The following FBXL13 variants were observed in gnomAD, a reference collection of about 807,000 sequenced individuals.
FBXL13 encodes F-box and leucine rich repeat protein 13.
Under a neutral mutation model 83.6 loss-of-function variants are expected in FBXL13, and 67 were observed. The ratio of observed to expected loss-of-function variants is 0.80; its 90% CI spans 0.66 to 0.98. The LOEUF (loss-of-function observed/expected upper bound fraction) is 0.98. Ranked by LOEUF, FBXL13 falls within the 50% of genes least tolerant of loss-of-function variation. The probability of loss-of-function intolerance (pLI) is 0.00; values close to 1 mark genes in which losing one functional copy is unlikely to be tolerated. For missense variants in FBXL13, 822 were observed against 866.5 expected, an observed-to-expected ratio of 0.95 and a Z score of 0.64; for synonymous variants, 272 against 299.5, an observed-to-expected ratio of 0.91 and a Z score of 0.95.
chr7:102,820,071 C>T (rs1186775473), intron 19 of FBXL13, among the ~76,000 whole-genome samples: 1 of 152,184 alleles, frequency 6.6e-6, no homozygotes, highest in East Asian at 1.9e-4. Flanking sequence ...CTTTACTAGT[C>T]CAAACACTGG....
chr7:103,013,161 C>CT (rs1249181719), intron 6 of FBXL13, among the ~76,000 whole-genome samples: 2 of 152,212 alleles, frequency 1.3e-5, no homozygotes, highest in Admixed American at 1.3e-4. Context: ...TACAAAGAGA[C>CT]TTAGATAACT....
At chr7:102,904,728 C>G (rs1158592142) in intron 11 of FBXL13, among the ~76,000 whole-genome samples, 1 of 151,858 alleles carries the variant, frequency 6.6e-6, no homozygotes, top group Non-Finnish European at 1.5e-5. Context: ...AGTTTTTCCT[C>G]TTTTTTGATG....
intron 17 of FBXL13, among the ~76,000 whole-genome samples, chr7:102,852,297 C>A (rs1805380277): frequency 6.6e-6 from 1 of 152,128 alleles, no homozygotes; most frequent in Non-Finnish European, 1.5e-5. Flanking sequence ...CAATCCATTT[C>A]TGTTTTTTCT....
chr7:102,893,767 CAAAAA>C (rs1300370815), intron 11 of FBXL13, among the ~76,000 whole-genome samples: 1 of 47,964 alleles, frequency 2.1e-5, no homozygotes. Flanking sequence ...GACTCTGTCT[CAAAAA>C]AAAAAAAAAA....
intron 11 of FBXL13, among the ~76,000 whole-genome samples, chr7:102,887,244 C>G (rs1344062145): frequency 1.3e-5 from 2 of 152,174 alleles, no homozygotes; most frequent in Non-Finnish European, 2.9e-5. Context: ...CCCACCACTA[C>G]TGACTTAGAG....
chr7:102,831,365 G>T (rs945865161), intron 18 of FBXL13, among the ~76,000 whole-genome samples: 1 of 150,048 alleles, frequency 6.7e-6, no homozygotes, highest in Non-Finnish European at 1.5e-5. Flanking sequence ...TAGAGGGCAG[G>T]CATGCTGTTA....
rs142968192 is a variant in FBXL13 at position 102,995,638 on chromosome 7, T to C, written c.496-27521A>G. Among the ~76,000 whole-genome samples, 752 of 151,512 alleles carry C rather than the reference T, an allele frequency of 5.0e-3. 12 individuals carry two copies. Among genetic ancestry groups the C allele is most frequent in the African/African-American group, 0.017 (714 of 41,266 alleles). On this transcript the variant is annotated intron_variant, in intron 6 of 19. Coordinates refer to ENST00000313221, the Ensembl canonical transcript of FBXL13. ...ACTGTCTCTACTAAGAATACAAAAATTAGCCAGGCGTGGTGGTGTGCACCT... is the reference window on the plus strand; with the variant it reads ...ACTGTCTCTACTAAGAATACAAAAACTAGCCAGGCGTGGTGGTGTGCACCT...
rs145764810 is a variant in FBXL13 at position 102,887,274 on chromosome 7, G to A, written c.1009-2962C>T. On this transcript the variant is annotated intron_variant, in intron 11 of 19. Coordinates refer to ENST00000313221, the Ensembl canonical transcript of FBXL13. ...TTAGAGGCTGCACTTGAACAAGACA[G>A]GTGATTTACACACAGACATGACAGT... Among the ~76,000 whole-genome samples, 3 of 152,288 alleles carry A rather than the reference G, an allele frequency of 2.0e-5. No individual in the cohort carries two copies. In the East Asian group the frequency reaches 5.8e-4, roughly 29 times the overall value.
chr7:102,936,924 C>CT lies in FBXL13; in HGVS notation c.725-4992dup, dbSNP rs1820432112. 1.3e-5 allele frequency among the ~76,000 whole-genome samples: 2 copies of CT among 151,836 alleles called. 1 individual carries two copies. The highest frequency in any genetic ancestry group is 4.1e-4 in the South Asian group (2 of 4,824). Reference sequence around the variant, plus strand: ...CTATTTCTGCTTTTGTGTTTTTTTCCTTTTTTCCCATATTTTTCTCTTGAA... The same window carrying CT: ...CTATTTCTGCTTTTGTGTTTTTTTCCTTTTTTTCCCATATTTTTCTCTTGAA... On this transcript the variant is annotated intron_variant, in intron 8 of 19. Transcript: ENST00000313221.
chr7:102,925,807 G>A (rs1818003425), intron 10 of FBXL13, among the ~76,000 whole-genome samples: 2 of 152,106 alleles, frequency 1.3e-5, no homozygotes, highest in Admixed American at 1.3e-4. Context: ...CAGGCGTGGT[G>A]GTGGGCACCT....
intron 10 of FBXL13, among the ~76,000 whole-genome samples, chr7:102,921,505 C>A (rs1175872952): frequency 6.6e-6 from 1 of 151,534 alleles, no homozygotes; most frequent in Non-Finnish European, 1.5e-5. Context: ...TGTGGTGAAA[C>A]CCTGTCTCTA....
At position 102,878,342 on chromosome 7, in the gene FBXL13, T is replaced by G. The variant is rs765527283; in HGVS notation, c.1497A>C (p.Lys499Asn). Residue 499 changes from lysine to asparagine, a missense_variant, in exon 15 of 20, where the codon AAA becomes AAC. Transcript: ENST00000313221. ...CTGTTTTATCATACCGCTCAGATAG[T>G]TTCATAACAGAGGCATCACTTAGCC... is the stretch of plus-strand genomic sequence containing the variant. 47 of 1,603,506 alleles carry G rather than the reference T, an allele frequency of 2.9e-5. 1 individual carries two copies. Among genetic ancestry groups the G allele is most frequent in the Non-Finnish European group, 4.0e-5 (47 of 1,175,132 alleles).
chr7:102,959,084 T>C (rs1377894772), intron 8 of FBXL13, among the ~76,000 whole-genome samples: 1 of 151,970 alleles, frequency 6.6e-6, no homozygotes, highest in Non-Finnish European at 1.5e-5. Context: ...AATAAAACTG[T>C]CAACATTCCC....
intron 11 of FBXL13, among the ~76,000 whole-genome samples, chr7:102,903,645 A>AT (rs202004195): frequency 3.3e-5 from 5 of 150,910 alleles, no homozygotes; most frequent in African/African-American, 9.7e-5. Context: ...ATTTTTTTTA[A>AT]TTTTTTTTCT....
At chr7:103,024,859 T>A (rs28715685) in intron 6 of FBXL13, among the ~76,000 whole-genome samples, 2,582 of 94,852 alleles carry the variant, frequency 0.027, 15 homozygotes, top group Non-Finnish European at 0.036. Context: ...ATATATATAT[T>A]TTTTTTTTTT....
chr7:103,072,988 A>G (rs1166864192), intron 1 of FBXL13, among the ~76,000 whole-genome samples: 1 of 152,218 alleles, frequency 6.6e-6, no homozygotes, highest in Non-Finnish European at 1.5e-5. Context: ...ACTTGAGAAA[A>G]TCACACAACC....
exon 2 of FBXL13, chr7:103,055,708 G>C (rs775234944): frequency 7.8e-7 from 1 of 1,285,460 alleles, no homozygotes; most frequent in South Asian, 1.3e-5. Context: ...TACCTCAGCG[G>C]ATCCTCAGGA....
chr7:102,846,410 G>A (rs1352260361), intron 17 of FBXL13, among the ~76,000 whole-genome samples: 1 of 152,086 alleles, frequency 6.6e-6, no homozygotes, highest in Admixed American at 6.6e-5. Context: ...CTGAGGTCAG[G>A]GGTTCAAGAC....
intron 10 of FBXL13, among the ~76,000 whole-genome samples, chr7:102,916,326 C>G (rs1248604010): frequency 6.6e-6 from 1 of 152,146 alleles, no homozygotes; most frequent in Non-Finnish European, 1.5e-5. Flanking sequence ...ATTCATGGAG[C>G]TCCTGAATTC....
Sources: gnomAD v4.1 joint callset for allele counts (sites outside exome capture counted in the v4.1 genomes callset) on GRCh38, gnomAD v4.1.1 for gene constraint, MANE v1.5 for transcripts, NCBI Gene and HGNC (gene_info 2026-07-23, HGNC 2026-07-21) for gene names.